Variants in TMEM255B observed in about 807,000 individuals in gnomAD.
TMEM255B encodes family with sequence similarity 70, member B.
TMEM255B carries 35 observed loss-of-function variants against 34.5 expected under a neutral mutation model. That is an observed-to-expected ratio of 1.01 (90% CI 0.77 to 1.34). The LOEUF is 1.34. Among genes scored for constraint, TMEM255B ranks in the 40% most tolerant of loss-of-function variants. TMEM255B has a pLI of 0.00. For missense variants in TMEM255B, 432 were observed against 433.2 expected, an observed-to-expected ratio of 1.00 and a Z score of 0.02; for synonymous variants, 206 against 201.2, an observed-to-expected ratio of 1.02 and a Z score of -0.20.
At chr13:113,794,431 A>G (rs191812419) in intron 3 of TMEM255B, among the ~76,000 whole-genome samples, 1 of 151,980 alleles carries the variant, frequency 6.6e-6, no homozygotes, top group African/African-American at 2.4e-5. Flanking sequence ...CCGACAACTC[A>G]TCCATCGGGA....
chr13:113,777,265 C>T (rs867857166), intron 3 of TMEM255B, among the ~76,000 whole-genome samples: 4 of 152,030 alleles, frequency 2.6e-5, no homozygotes, highest in Non-Finnish European at 5.9e-5. Flanking sequence ...GTCTCCCTCT[C>T]CTCTATCTCT....
intron 3 of TMEM255B, among the ~76,000 whole-genome samples, chr13:113,791,909 G>A (rs912128430): frequency 1.3e-5 from 2 of 152,196 alleles, no homozygotes; most frequent in African/African-American, 4.8e-5. Context: ...GGGATGTGAC[G>A]CCGCTCTCCC....
rs1566342053 is a variant in TMEM255B, at chr13:113,812,946, T to TCACAGGC, written c.*1044_*1045insACAGGCC. The TCACAGGC allele has an allele frequency of 4.2e-4, 46 of 110,254 alleles. 2 individuals are homozygous for TCACAGGC. The highest frequency in any genetic ancestry group is 1.7e-3 in the African/African-American group (43 of 25,576). The allele number at this position is 110,254 out of a possible 1,614,324, so 6.8% of individuals were successfully genotyped here. ...TCACGGGTCCCGGGTGGGTCACGGG[T>TCACAGGC]CCCGGGTGGGTCACGGGCCCCGGGT... On this transcript the variant is annotated 3_prime_UTR_variant, in exon 9 of 9. Transcript: ENST00000375353.
chr13:113,800,041 T>G (rs2051014311), intron 5 of TMEM255B: 1 of 1,210,488 alleles, frequency 8.3e-7, no homozygotes, highest in African/African-American at 1.6e-5. Flanking sequence ...TCTGGGACTC[T>G]CCAGCAGCTG....
chr13:113,792,705 C>A (rs906144134), intron 3 of TMEM255B, among the ~76,000 whole-genome samples: 2 of 152,232 alleles, frequency 1.3e-5, no homozygotes, highest in Non-Finnish European at 2.9e-5. Context: ...GTCAGTCGAA[C>A]CAGAGCAATT....
chr13:113,799,500 G>A (rs1270369946), intron 5 of TMEM255B, 81 bp downstream of exon 5: 15 of 1,328,558 alleles, frequency 1.1e-5, no homozygotes, highest in African/African-American at 8.7e-5. Flanking sequence ...GCACATAGGC[G>A]TGGTCTGAAT....
At chr13:113,771,617 T>C (rs911755789) in intron 3 of TMEM255B, among the ~76,000 whole-genome samples, 17 of 152,260 alleles carry the variant, frequency 1.1e-4, no homozygotes, top group African/African-American at 3.4e-4. Context: ...AGGCAGAGGT[T>C]GCGGTGAGCC....
At chr13:113,776,601 C>T (rs543968377) in intron 3 of TMEM255B, among the ~76,000 whole-genome samples, 2 of 152,316 alleles carry the variant, frequency 1.3e-5, no homozygotes, top group South Asian at 2.1e-4. Context: ...CGCCTCAGGA[C>T]GCCTGTTTTT....
At chr13:113,768,594 G>C (rs1292628062) in intron 2 of TMEM255B, among the ~76,000 whole-genome samples, 1 of 152,116 alleles carries the variant, frequency 6.6e-6, no homozygotes, top group Admixed American at 6.5e-5. Context: ...CCCTGCTAAC[G>C]GTCTGCCCTG....
chr13:113,801,159 A>G (rs1395247464), intron 6 of TMEM255B, among the ~76,000 whole-genome samples: 2 of 152,278 alleles, frequency 1.3e-5, no homozygotes, highest in African/African-American at 4.8e-5. Flanking sequence ...AGATGTTTAC[A>G]TGAGGAAAGG....
intron 3 of TMEM255B, among the ~76,000 whole-genome samples, chr13:113,789,879 G>A (rs1456224811): frequency 6.6e-6 from 1 of 151,984 alleles, no homozygotes; most frequent in Non-Finnish European, 1.5e-5. Flanking sequence ...TCCTAGCACT[G>A]GACTGACCAT....
intron 8 of TMEM255B, among the ~76,000 whole-genome samples, chr13:113,810,815 C>T (rs7332324): frequency 0.011 from 1,688 of 152,348 alleles, 38 homozygotes; most frequent in African/African-American, 0.038. Context: ...GTGTGTGAGC[C>T]GCTGAGTCAG....
At chr13:113,811,080 C>T (rs1184342446) in intron 8 of TMEM255B, among the ~76,000 whole-genome samples, 1 of 152,050 alleles carries the variant, frequency 6.6e-6, no homozygotes, top group South Asian at 2.1e-4. Flanking sequence ...GCCAGTGAGG[C>T]CCCGGCCACC....
chr13:113,760,693 A>C (rs367812738), intron 1 of TMEM255B, among the ~76,000 whole-genome samples: 1 of 47,798 alleles, frequency 2.1e-5, no homozygotes, highest in Non-Finnish European at 4.3e-5. Context: ...CTGGGGGTGG[A>C]TTATGGTCTT....
rs2051406421 is a variant in TMEM255B, at chr13:113,816,745, C to T, written c.*4842C>T. 6.6e-6 allele frequency: 1 copy of T among 152,208 alleles called. No individual in the cohort carries two copies. Among genetic ancestry groups the T allele is most frequent in the African/African-American group, 2.4e-5 (1 of 41,436 alleles). The allele number at this position is 152,208 out of a possible 1,614,324, so 9.4% of individuals were successfully genotyped here. ...CTCAGACGGCGACACGCGCCACTTC[C>T]TTTTCTGTTTCCTAGACCTTTTAAC... On this transcript the variant is annotated 3_prime_UTR_variant, in exon 9 of 9. Transcript: ENST00000375353.
Position 113,774,873 on chromosome 13 carries a change from A to G in TMEM255B, c.252+5713A>G, listed in dbSNP as rs541353518. 3.6e-4 allele frequency among the ~76,000 whole-genome samples: 53 copies of G among 145,518 alleles called. 1 individual carries two copies. The highest frequency in any genetic ancestry group is 3.1e-3 in the Admixed American group (45 of 14,536). ...CAATGCACACCACATACACCACACA[A>G]CGCACACCACACACAAGACACAATA... On this transcript the variant is annotated intron_variant, in intron 3 of 8. Transcript: ENST00000375353.
chr13:113,774,673 GACAC>G (rs1267285275), intron 3 of TMEM255B, among the ~76,000 whole-genome samples: 13 of 88,906 alleles, frequency 1.5e-4, no homozygotes, highest in African/African-American at 2.1e-4. Flanking sequence ...CCACACATAT[GACAC>G]ACACACCACA....
chr13:113,760,218 A>T (rs1168360279), intron 1 of TMEM255B, among the ~76,000 whole-genome samples: 1 of 152,208 alleles, frequency 6.6e-6, no homozygotes, highest in Non-Finnish European at 1.5e-5. Context: ...AACCGGACGA[A>T]TTACTGTTAC....
At chr13:113,782,559 G>A (rs375560683) in intron 3 of TMEM255B, among the ~76,000 whole-genome samples, 3 of 152,066 alleles carry the variant, frequency 2.0e-5, no homozygotes, top group Admixed American at 1.3e-4. Context: ...ACCGGATACC[G>A]TCCCAGTTAC....
Sources: gnomAD v4.1 joint callset for allele counts (sites outside exome capture counted in the v4.1 genomes callset) on GRCh38, gnomAD v4.1.1 for gene constraint, MANE v1.5 for transcripts, NCBI Gene and HGNC (gene_info 2026-07-23, HGNC 2026-07-21) for gene names.